SYNDIG1L: variants seen among roughly 807,000 people sequenced by gnomAD.
The protein encoded by SYNDIG1L is synapse differentiation-inducing gene protein 1-like.
A neutral mutation model predicts 20.1 loss-of-function variants in SYNDIG1L; 13 were observed. The observed-to-expected ratio is 0.65, with a 90% CI of 0.42 to 1.03. The LOEUF is 1.03. Among genes scored for constraint, SYNDIG1L ranks in the 50% least tolerant of loss-of-function variants. SYNDIG1L has a pLI of 0.00. For missense variants in SYNDIG1L, 294 were observed against 305.1 expected, an observed-to-expected ratio of 0.96 and a Z score of 0.27; for synonymous variants, 128 against 129.3, an observed-to-expected ratio of 0.99 and a Z score of 0.07.
the SYNDIG1L span, among the ~76,000 whole-genome samples, chr14:74,441,586 G>A: frequency 6.6e-6 from 1 of 152,108 alleles, no homozygotes; most frequent in Non-Finnish European, 1.5e-5. Context: ...GCTCACTGTA[G>A]CCTCGAATTC....
At chr14:74,445,307 C>A in the SYNDIG1L span, among the ~76,000 whole-genome samples, 1 of 152,094 alleles carries the variant, frequency 6.6e-6, no homozygotes, top group African/African-American at 2.4e-5. Context: ...AAATAAATGT[C>A]TTTTTAAAAT....
At chr14:74,420,106 C>G (rs1026484791) in intron 1 of SYNDIG1L, among the ~76,000 whole-genome samples, 1 of 152,000 alleles carries the variant, frequency 6.6e-6, no homozygotes, top group African/African-American at 2.4e-5. Context: ...TGTAGGAATG[C>G]AGGCAGAAGG....
chr14:74,411,635 G>A (rs979930722), intron 1 of SYNDIG1L, among the ~76,000 whole-genome samples: 1 of 152,210 alleles, frequency 6.6e-6, no homozygotes, highest in Non-Finnish European at 1.5e-5. Flanking sequence ...CAGGTATTGG[G>A]ACAGAGCAAG....
chr14:74,476,629 C>T, the SYNDIG1L span: 13 of 1,485,842 alleles, frequency 8.7e-6, no homozygotes, highest in African/African-American at 1.7e-4. Flanking sequence ...TCTTCTGCCC[C>T]AGTCGAGAGG....
chr14:74,476,120 T>A, the SYNDIG1L span: 1 of 328,670 alleles, frequency 3.0e-6, no homozygotes, highest in Non-Finnish European at 5.6e-6. Context: ...AGAATCTCCA[T>A]CAAACCTCAT....
chr14:74,466,254 C>T, the SYNDIG1L span, among the ~76,000 whole-genome samples: 6 of 152,140 alleles, frequency 3.9e-5, no homozygotes, highest in Non-Finnish European at 5.9e-5. Context: ...GCATTGATTG[C>T]AAGGAGCAGG....
chr14:74,469,985 G>A, the SYNDIG1L span, among the ~76,000 whole-genome samples: 1 of 152,052 alleles, frequency 6.6e-6, no homozygotes, highest in East Asian at 1.9e-4. Flanking sequence ...ATTTCAAGTG[G>A]GTGCAGCCAA....
rs2086112780 is a variant in SYNDIG1L, at chr14:74,409,493, T to C, written c.252A>G (p.Ala84=). The part of the protein sequence containing the change: ...LGRDKVKEPR[A]GSCETSFTED... ...CTGTGAAGCTTGTCTCACAGCTGCC[T>C]GCCCTGGGCTCCTTGACCTTGTCTC... Residue 84 remains alanine (A), a synonymous_variant, in exon 2 of 4, where the codon GCA becomes GCG. Transcript: ENST00000331628. 1.2e-6 allele frequency: 2 copies of C among 1,612,288 alleles called. No individual in the cohort carries two copies. Among genetic ancestry groups the C allele is most frequent in the South Asian group, 1.1e-5 (1 of 90,846 alleles).
At chr14:74,433,437 G>A in the SYNDIG1L span, among the ~76,000 whole-genome samples, 56,820 of 151,704 alleles carry the variant, frequency 0.37, 11,078 homozygotes, top group Non-Finnish European at 0.43. Flanking sequence ...AGGCTGGAGT[G>A]CAGTCGTGCA....
the SYNDIG1L span, among the ~76,000 whole-genome samples, chr14:74,477,099 T>TC: frequency 2.3e-5 from 2 of 85,592 alleles, no homozygotes; most frequent in Non-Finnish European, 4.7e-5. Context: ...CAACCCTGTC[T>TC]CCCCCCAGCC....
intron 2 of SYNDIG1L, 39 bp downstream of exon 2, chr14:74,409,289 G>T: frequency 3.0e-6 from 4 of 1,345,310 alleles, no homozygotes; most frequent in Non-Finnish European, 3.9e-6. Flanking sequence ...TCCTTGTGTT[G>T]CTCATGCTGG....
the SYNDIG1L span, among the ~76,000 whole-genome samples, chr14:74,465,610 G>C: frequency 6.6e-6 from 1 of 152,148 alleles, no homozygotes; most frequent in Admixed American, 6.5e-5. Context: ...TAGGTGGGTG[G>C]GTGATGGGTG....
At chr14:74,443,303 A>G in the SYNDIG1L span, among the ~76,000 whole-genome samples, 1 of 152,218 alleles carries the variant, frequency 6.6e-6, no homozygotes, top group Non-Finnish European at 1.5e-5. Flanking sequence ...GGGAGTGCTC[A>G]GTTGTGTGGA....
At chr14:74,446,417 A>C in the SYNDIG1L span, among the ~76,000 whole-genome samples, 4 of 152,166 alleles carry the variant, frequency 2.6e-5, no homozygotes, top group East Asian at 7.7e-4. Context: ...GAGTGAGAAA[A>C]ATTCAATTAA....
intron 1 of SYNDIG1L, among the ~76,000 whole-genome samples, chr14:74,422,127 G>C (rs146550815): frequency 3.3e-5 from 5 of 152,196 alleles, no homozygotes; most frequent in Non-Finnish European, 4.4e-5. Flanking sequence ...CAACCACTTA[G>C]AAGCAAACAG....
At chr14:74,465,327 A>G in the SYNDIG1L span, among the ~76,000 whole-genome samples, 2 of 152,164 alleles carry the variant, frequency 1.3e-5, no homozygotes, top group African/African-American at 4.8e-5. Context: ...CCAGACACGA[A>G]AGGAAGCAGC....
the SYNDIG1L span, among the ~76,000 whole-genome samples, chr14:74,457,120 T>C: frequency 6.6e-6 from 1 of 152,168 alleles, no homozygotes; most frequent in Non-Finnish European, 1.5e-5. Flanking sequence ...CTGGGCAAAG[T>C]AGCTAGTGGT....
chr14:74,434,925 A>AT, the SYNDIG1L span, among the ~76,000 whole-genome samples: 1 of 148,998 alleles, frequency 6.7e-6, no homozygotes, highest in East Asian at 2.0e-4. Flanking sequence ...ACTAAAAAAA[A>AT]AAAAAAAATT....
At chr14:74,460,205 G>A in the SYNDIG1L span, among the ~76,000 whole-genome samples, 7 of 152,206 alleles carry the variant, frequency 4.6e-5, no homozygotes, top group East Asian at 1.9e-4. Flanking sequence ...CTGTCTCACC[G>A]TCTCAGCCCT....
Sources: allele counts gnomAD v4.1 joint callset (sites outside exome capture counted in the v4.1 genomes callset), GRCh38; gene constraint gnomAD v4.1.1; transcripts MANE v1.5; gene names NCBI Gene and HGNC (gene_info 2026-07-23, HGNC 2026-07-21).